The following AGBL4 variants were observed in gnomAD, a reference collection of about 807,000 sequenced individuals.
The protein encoded by AGBL4 is AGBL carboxypeptidase 4, also known as cytosolic carboxypeptidase 6.
AGBL4 carries 58 observed loss-of-function variants against 66.4 expected under a neutral mutation model. That is an observed-to-expected ratio of 0.87 (90% CI 0.71 to 1.09). AGBL4 has a LOEUF of 1.09. AGBL4 is among the 50% of genes least tolerant of loss of function. The pLI is 0.00. For missense variants in AGBL4, 579 were observed against 631.0 expected, an observed-to-expected ratio of 0.92 and a Z score of 0.88; for synonymous variants, 234 against 222.9, an observed-to-expected ratio of 1.05 and a Z score of -0.44.
intron 1 of AGBL4, among the ~76,000 whole-genome samples, chr1:49,880,143 A>G (rs1009800811): frequency 6.6e-6 from 1 of 151,878 alleles, no homozygotes; most frequent in African/African-American, 2.4e-5. Flanking sequence ...GATCGTCTGA[A>G]GCCTTCCTCT....
chr1:49,824,398 T>C (rs1422675299), intron 2 of AGBL4, among the ~76,000 whole-genome samples: 4 of 152,234 alleles, frequency 2.6e-5, no homozygotes, highest in Non-Finnish European at 5.9e-5. Context: ...AAGTGTTTAC[T>C]AACAATGCTA....
chr1:48,823,815 G>C (rs1422477113), intron 6 of AGBL4, among the ~76,000 whole-genome samples: 12 of 152,318 alleles, frequency 7.9e-5, no homozygotes, highest in Non-Finnish European at 8.8e-5. Flanking sequence ...TTGAACAAAT[G>C]AATGTTGATA....
chr1:49,300,431 A>G (rs1445707727), intron 3 of AGBL4, among the ~76,000 whole-genome samples: 4 of 152,234 alleles, frequency 2.6e-5, no homozygotes, highest in Non-Finnish European at 5.9e-5. Context: ...TGTGGCATTA[A>G]AACCCAATGA....
At chr1:49,593,072 T>C in intron 3 of AGBL4, among the ~76,000 whole-genome samples, 1 of 152,178 alleles carries the variant, frequency 6.6e-6, no homozygotes, top group East Asian at 1.9e-4. Context: ...GTAAAATCAC[T>C]TTTGTACAAG....
At chr1:49,398,080 C>G (rs183301358) in intron 3 of AGBL4, among the ~76,000 whole-genome samples, 1 of 152,296 alleles carries the variant, frequency 6.6e-6, no homozygotes, top group Admixed American at 6.5e-5. Context: ...CCTGCTCTTC[C>G]TCATTTGTCT....
chr1:49,001,201 G>C (rs1661370493), intron 5 of AGBL4, among the ~76,000 whole-genome samples: 1 of 152,078 alleles, frequency 6.6e-6, no homozygotes, highest in Admixed American at 6.6e-5. Context: ...TGTACTTTCT[G>C]CTTTTTAAAG....
intron 3 of AGBL4, among the ~76,000 whole-genome samples, chr1:49,303,894 T>G (rs1387346544): frequency 4.6e-5 from 7 of 152,108 alleles, no homozygotes; most frequent in African/African-American, 1.7e-4. Context: ...TTTGTCAGAT[T>G]GATAGATTGC....
intron 6 of AGBL4, among the ~76,000 whole-genome samples, chr1:48,845,988 G>T (rs1282007841): frequency 6.6e-6 from 1 of 152,162 alleles, no homozygotes; most frequent in African/African-American, 2.4e-5. Context: ...TGAAGTATCT[G>T]GTCTAGTGGA....
intron 4 of AGBL4, among the ~76,000 whole-genome samples, chr1:49,097,468 C>T (rs992537403): frequency 6.6e-6 from 1 of 152,114 alleles, no homozygotes; most frequent in African/African-American, 2.4e-5. Context: ...GTCTAATATA[C>T]TTAATTTAAA....
intron 3 of AGBL4, among the ~76,000 whole-genome samples, chr1:49,676,795 G>A (rs994124856): frequency 1.3e-5 from 2 of 151,974 alleles, no homozygotes; most frequent in South Asian, 2.1e-4. Flanking sequence ...ATAGAGGGGC[G>A]ATATAAATGT....
intron 1 of AGBL4, among the ~76,000 whole-genome samples, chr1:49,891,059 C>T (rs558814658): frequency 6.6e-6 from 1 of 152,106 alleles, no homozygotes; most frequent in Non-Finnish European, 1.5e-5. Flanking sequence ...GAAGAAATGA[C>T]ATTTTATTTG....
intron 5 of AGBL4, among the ~76,000 whole-genome samples, chr1:48,963,341 T>C (rs1468969491): frequency 2.0e-5 from 3 of 152,058 alleles, no homozygotes; most frequent in Non-Finnish European, 4.4e-5. Flanking sequence ...AATTTCAACA[T>C]GAGTTTTAAA....
At chr1:49,448,164 A>G (rs1035961843) in intron 3 of AGBL4, among the ~76,000 whole-genome samples, 1 of 152,228 alleles carries the variant, frequency 6.6e-6, no homozygotes, top group African/African-American at 2.4e-5. Context: ...ATACATGTGT[A>G]TTAATCAAAA....
Position 49,245,880 on chromosome 1 carries a change from G to A in AGBL4, c.283-16C>T, listed in dbSNP as rs185489854. Reference sequence around the variant, plus strand: ...AAATGACCCTCTGAAAAAGAAAGAGGGAGAAGTTCATCTTTATGCTATGCA... The same window carrying A: ...AAATGACCCTCTGAAAAAGAAAGAGAGAGAAGTTCATCTTTATGCTATGCA... On this transcript the variant is annotated splice_polypyrimidine_tract_variant and intron_variant, in intron 3 of 13. Transcript: ENST00000371839. The A allele has an allele frequency of 1.7e-4, 253 of 1,517,836 alleles. No individual in the cohort carries two copies. The African/African-American group carries it at 1.7e-3, about 10-fold the overall frequency. 94.0% of individuals were successfully genotyped at this position (1,517,836 alleles called of 1,614,324 possible).
intron 3 of AGBL4, among the ~76,000 whole-genome samples, chr1:49,298,950 C>T (rs1052837349): frequency 2.6e-5 from 4 of 152,080 alleles, no homozygotes; most frequent in Admixed American, 6.6e-5. Context: ...TCTTCTTTTG[C>T]CCACACCCTT....
chr1:49,877,497 C>T (rs1049049660), intron 1 of AGBL4, among the ~76,000 whole-genome samples: 2 of 150,630 alleles, frequency 1.3e-5, no homozygotes, highest in Admixed American at 6.6e-5. Context: ...CCTTGCATCC[C>T]AGGGATGAAG....
chr1:49,391,808 A>G (rs1296471192), intron 3 of AGBL4, among the ~76,000 whole-genome samples: 2 of 152,038 alleles, frequency 1.3e-5, no homozygotes, highest in East Asian at 3.9e-4. Context: ...TGATCTGCCC[A>G]CCTTGGCCTC....
At chr1:49,595,869 A>G (rs926824732) in intron 3 of AGBL4, among the ~76,000 whole-genome samples, 1 of 152,148 alleles carries the variant, frequency 6.6e-6, no homozygotes. Flanking sequence ...TCCTTCGCCA[A>G]ATCAAACGTT....
intron 3 of AGBL4, among the ~76,000 whole-genome samples, chr1:49,365,423 A>G (rs1644224874): frequency 6.6e-6 from 1 of 151,948 alleles, no homozygotes; most frequent in Admixed American, 6.5e-5. Flanking sequence ...AAACGTCTAT[A>G]AAGAACCCAT....
Sources: gnomAD v4.1 joint callset for allele counts (sites outside exome capture counted in the v4.1 genomes callset) on GRCh38, gnomAD v4.1.1 for gene constraint, MANE v1.5 for transcripts, NCBI Gene and HGNC (gene_info 2026-07-23, HGNC 2026-07-21) for gene names.